Variants in CABCOCO1 observed in about 807,000 individuals in gnomAD.
The protein encoded by CABCOCO1 is ciliary associated calcium binding coiled-coil 1.
In CABCOCO1, 28 loss-of-function variants were observed where a neutral mutation model predicts 35.7. The ratio of observed to expected loss-of-function variants is 0.78; its 90% confidence interval spans 0.58 to 1.07. The LOEUF is 1.07. CABCOCO1 is among the 50% of genes least tolerant of loss of function. The pLI is 0.00. For synonymous variants in CABCOCO1, 95 were observed against 100.1 expected (o/e 0.95, Z 0.30); for missense variants, 326 against 309.2 (o/e 1.05, Z -0.41).
intron 1 of CABCOCO1, among the ~76,000 whole-genome samples, chr10:61,664,835 G>C (rs557444695): frequency 1.3e-5 from 2 of 152,300 alleles, no homozygotes; most frequent in African/African-American, 4.8e-5. Context: ...GGTGTCGTAT[G>C]TTAGATAGAA....
At chr10:61,669,029 A>AAAAAAAAAAAAAAAC (rs1839278033) in intron 1 of CABCOCO1, among the ~76,000 whole-genome samples, 1 of 150,804 alleles carries the variant, frequency 6.6e-6, no homozygotes, top group African/African-American at 2.4e-5. Context: ...GGAAAAAAAA[A>AAAAAAAAAAAAAAAC]AAAACACCTT....
At chr10:61,736,891 GT>G (rs965679502) in intron 5 of CABCOCO1, among the ~76,000 whole-genome samples, 3 of 151,878 alleles carry the variant, frequency 2.0e-5, no homozygotes, top group Non-Finnish European at 4.4e-5. Flanking sequence ...GTATTTTATT[GT>G]TTTTTTGTGG....
chr10:61,700,901 A>G (rs1840437186), intron 5 of CABCOCO1, among the ~76,000 whole-genome samples: 1 of 151,920 alleles, frequency 6.6e-6, no homozygotes, highest in Non-Finnish European at 1.5e-5. Flanking sequence ...TGCAGTTTAT[A>G]GTTTTACACC....
At chr10:61,734,045 C>T (rs2132057837) in intron 5 of CABCOCO1, among the ~76,000 whole-genome samples, 1 of 151,962 alleles carries the variant, frequency 6.6e-6, no homozygotes, top group African/African-American at 2.4e-5. Flanking sequence ...TTATACTTCC[C>T]CCCGCTTACC....
chr10:61,720,192 T>C (rs538324932), intron 5 of CABCOCO1, among the ~76,000 whole-genome samples: 1 of 152,068 alleles, frequency 6.6e-6, no homozygotes, highest in Non-Finnish European at 1.5e-5. Flanking sequence ...CACTCTGAGA[T>C]GTGGTCTTAC....
intron 5 of CABCOCO1, among the ~76,000 whole-genome samples, chr10:61,720,195 G>T (rs1250689311): frequency 6.6e-6 from 1 of 151,720 alleles, no homozygotes; most frequent in Non-Finnish European, 1.5e-5. Context: ...TCTGAGATGT[G>T]GTCTTACAAA....
intron 2 of CABCOCO1, among the ~76,000 whole-genome samples, chr10:61,674,350 C>G (rs551143434): frequency 6.6e-6 from 1 of 152,146 alleles, no homozygotes; most frequent in Non-Finnish European, 1.5e-5. Flanking sequence ...GCAGGTTGAC[C>G]TTTTTAGACT....
chr10:61,756,818 T>A (rs1841906707), intron 5 of CABCOCO1, among the ~76,000 whole-genome samples: 1 of 152,000 alleles, frequency 6.6e-6, no homozygotes. Flanking sequence ...AATAGGAGTG[T>A]TTTTTTAATA....
At chr10:61,763,150 C>G (rs964970101) in intron 7 of CABCOCO1, among the ~76,000 whole-genome samples, 2 of 151,982 alleles carry the variant, frequency 1.3e-5, no homozygotes, top group Non-Finnish European at 2.9e-5. Context: ...TTTTCTCCTA[C>G]TTTGTTTAAA....
chr10:61,667,584 G>T (rs913193400), intron 1 of CABCOCO1, among the ~76,000 whole-genome samples: 1 of 151,450 alleles, frequency 6.6e-6, no homozygotes, highest in Admixed American at 6.6e-5. Flanking sequence ...AATTTTTATA[G>T]TTTTATAATT....
At chr10:61,672,603 G>A (rs914368411) in intron 1 of CABCOCO1, 29 bp from the exon 2 acceptor site, 8 of 599,344 alleles carry the variant, frequency 1.3e-5, no homozygotes, top group African/African-American at 6.1e-5. Flanking sequence ...TACAATTAAA[G>A]TAACTCACTC....
intron 5 of CABCOCO1, among the ~76,000 whole-genome samples, chr10:61,756,723 A>T (rs1045569797): frequency 3.9e-5 from 6 of 152,044 alleles, no homozygotes; most frequent in African/African-American, 1.4e-4. Flanking sequence ...CAACTCACCT[A>T]AAGGCCTTCC....
At chr10:61,761,759 AT>A (rs1398118648) in intron 7 of CABCOCO1, among the ~76,000 whole-genome samples, 3 of 152,156 alleles carry the variant, frequency 2.0e-5, no homozygotes, top group African/African-American at 7.2e-5. Context: ...TCAGGAGAAG[AT>A]TTAGTTGTCA....
At chr10:61,726,238 T>C (rs1841145959) in intron 5 of CABCOCO1, among the ~76,000 whole-genome samples, 1 of 152,154 alleles carries the variant, frequency 6.6e-6, no homozygotes, top group Non-Finnish European at 1.5e-5. Context: ...ATTTGGAAAA[T>C]AGTGTTTCTC....
intron 5 of CABCOCO1, among the ~76,000 whole-genome samples, chr10:61,704,997 A>T (rs1401383439): frequency 6.6e-6 from 1 of 152,056 alleles, no homozygotes; most frequent in Non-Finnish European, 1.5e-5. Flanking sequence ...CTTAATAAAT[A>T]TCTGTTCATA....
chr10:61,737,852 G>C (rs977099191), intron 5 of CABCOCO1, among the ~76,000 whole-genome samples: 2 of 151,854 alleles, frequency 1.3e-5, no homozygotes, highest in Non-Finnish European at 2.9e-5. Flanking sequence ...ATAACTATTG[G>C]GTACTGAGTT....
At chr10:61,689,152 C>T (rs981884524) in intron 4 of CABCOCO1, among the ~76,000 whole-genome samples, 18 of 152,290 alleles carry the variant, frequency 1.2e-4, no homozygotes, top group Admixed American at 5.2e-4. Context: ...TGCCGGTTCA[C>T]TGAGAGGAAG....
intron 4 of CABCOCO1, among the ~76,000 whole-genome samples, chr10:61,689,718 T>C (rs1311030884): frequency 6.6e-6 from 1 of 152,210 alleles, no homozygotes; most frequent in Non-Finnish European, 1.5e-5. Context: ...TTTTTGTTCT[T>C]GGGCATTTTG....
intron 5 of CABCOCO1, among the ~76,000 whole-genome samples, chr10:61,733,395 G>T (rs549308566): frequency 2.4e-4 from 37 of 152,090 alleles, no homozygotes; most frequent in African/African-American, 8.2e-4. Flanking sequence ...CATATGTGAA[G>T]TCTACCTAGC....
Sources: allele counts gnomAD v4.1 joint callset (sites outside exome capture counted in the v4.1 genomes callset), GRCh38; gene constraint gnomAD v4.1.1; transcripts MANE v1.5; gene names NCBI Gene and HGNC (gene_info 2026-07-23, HGNC 2026-07-21).